SNX29: variants seen among roughly 807,000 people sequenced by gnomAD.
SNX29 encodes sorting nexin-29.
A neutral mutation model predicts 102.1 loss-of-function variants in SNX29; 78 were observed. The observed-to-expected ratio is 0.76, with a 90% CI of 0.64 to 0.92. SNX29 has a LOEUF of 0.92. Ranked by LOEUF, SNX29 falls within the 40% of genes least tolerant of loss-of-function variation. SNX29 has a pLI of 0.00. For synonymous variants in SNX29, 580 were observed against 414.5 expected (o/e 1.40, Z -4.85); for missense variants, 1,280 against 1,061.7 (o/e 1.21, Z -2.86).
chr16:12,571,551 A>G lies in SNX29; in HGVS notation c.*2922A>G, dbSNP rs555802505. On this transcript the variant is annotated 3_prime_UTR_variant, in exon 21 of 21. Transcript: ENST00000566228. ...GGACCACCCTTTGCTGGGAGGAAGA[A>G]TCCACACCGAATCCTTCTGTCTTCA... 36 of 980,420 alleles carry G rather than the reference A, an allele frequency of 3.7e-5. No individual in the cohort carries two copies. The South Asian group carries it at 1.5e-3, about 40-fold the overall frequency. 60.7% of individuals were successfully genotyped at this position (980,420 alleles called of 1,614,324 possible). A position where few individuals can be genotyped will look rare whatever the true frequency, so the allele number is the denominator to read the frequency against.
chr16:12,501,447 C>T (rs964325653), intron 19 of SNX29, among the ~76,000 whole-genome samples: 8 of 151,598 alleles, frequency 5.3e-5, no homozygotes, highest in Admixed American at 3.3e-4. Context: ...GTAGGCCAGA[C>T]GCGGTGGCTC....
At chr16:12,154,018 A>G (rs947698460) in intron 13 of SNX29, among the ~76,000 whole-genome samples, 2 of 152,192 alleles carry the variant, frequency 1.3e-5, no homozygotes, top group African/African-American at 4.8e-5. Context: ...GGAATGTTCT[A>G]TTAAAGCATT....
intron 13 of SNX29, among the ~76,000 whole-genome samples, chr16:12,163,642 T>C (rs768631607): frequency 5.9e-5 from 9 of 152,180 alleles, no homozygotes; most frequent in Non-Finnish European, 1.0e-4. Context: ...GAAGCTTCCC[T>C]CTATAGAAGC....
chr16:12,517,488 G>C (rs577219111), intron 19 of SNX29, among the ~76,000 whole-genome samples: 1 of 152,256 alleles, frequency 6.6e-6, no homozygotes, highest in African/African-American at 2.4e-5. Context: ...CCACCACCAG[G>C]GATCTTTGTT....
chr16:12,491,502 C>CTGT (rs1346554517), intron 19 of SNX29, among the ~76,000 whole-genome samples: 2 of 109,998 alleles, frequency 1.8e-5, no homozygotes, highest in Non-Finnish European at 3.7e-5. Context: ...CATTTTGTTG[C>CTGT]TGCTGTTGTT....
At chr16:12,094,098 G>C (rs1008846090) in intron 11 of SNX29, among the ~76,000 whole-genome samples, 4 of 152,172 alleles carry the variant, frequency 2.6e-5, no homozygotes, top group Admixed American at 1.3e-4. Context: ...AGTTATTTAA[G>C]CTAACTGTGC....
chr16:12,217,495 T>C, intron 14 of SNX29, among the ~76,000 whole-genome samples: 1 of 152,180 alleles, frequency 6.6e-6, no homozygotes, highest in East Asian at 1.9e-4. Context: ...GTAGTGTGTC[T>C]AACACCTGTA....
intron 19 of SNX29, among the ~76,000 whole-genome samples, chr16:12,514,962 CCT>C (rs2089800507): frequency 6.6e-6 from 1 of 151,726 alleles, no homozygotes. Flanking sequence ...GAAAAAAGCC[CCT>C]CTCTCGATGG....
chr16:12,227,129 G>A (rs534648808), intron 14 of SNX29, among the ~76,000 whole-genome samples: 53 of 106,652 alleles, frequency 5.0e-4, no homozygotes, highest in African/African-American at 1.8e-3. Context: ...GTCATGCAGT[G>A]CATCTGGGGG....
intron 11 of SNX29, among the ~76,000 whole-genome samples, chr16:12,091,092 T>G (rs953915034): frequency 2.6e-5 from 4 of 151,610 alleles, no homozygotes; most frequent in Non-Finnish European, 1.5e-5. Flanking sequence ...AAATACTTTC[T>G]TATTCATTTT....
intron 13 of SNX29, among the ~76,000 whole-genome samples, chr16:12,171,778 T>C (rs975350520): frequency 1.3e-5 from 2 of 152,212 alleles, no homozygotes; most frequent in Non-Finnish European, 2.9e-5. Context: ...CACTAATGAT[T>C]GTTATATGTA....
At chr16:12,050,714 C>T (rs1040479744) in intron 7 of SNX29, among the ~76,000 whole-genome samples, 1 of 151,972 alleles carries the variant, frequency 6.6e-6, no homozygotes, top group African/African-American at 2.4e-5. Flanking sequence ...GTTATTTCTG[C>T]CACTTTTTTT....
At chr16:12,493,476 T>C (rs564836211) in intron 19 of SNX29, among the ~76,000 whole-genome samples, 4,035 of 152,342 alleles carry the variant, frequency 0.026, 176 homozygotes, top group African/African-American at 0.091. Context: ...TCATGTCATC[T>C]GCAAACAGGG....
At chr16:12,226,345 C>T (rs1457200868) in intron 14 of SNX29, among the ~76,000 whole-genome samples, 2 of 151,988 alleles carry the variant, frequency 1.3e-5, no homozygotes, top group African/African-American at 4.8e-5. Context: ...TTTAATGACC[C>T]CCTGAAAATG....
At chr16:12,065,617 T>C (rs1172352830) in intron 9 of SNX29, among the ~76,000 whole-genome samples, 1 of 152,216 alleles carries the variant, frequency 6.6e-6, no homozygotes, top group Non-Finnish European at 1.5e-5. Flanking sequence ...TCTGCCATAA[T>C]CTGATGTGAT....
intron 20 of SNX29, among the ~76,000 whole-genome samples, chr16:12,558,665 G>T (rs1244732539): frequency 1.3e-5 from 2 of 152,192 alleles, no homozygotes; most frequent in Admixed American, 6.5e-5. Flanking sequence ...ACCCAATCCT[G>T]CTGGTCCTTG....
intron 4 of SNX29, among the ~76,000 whole-genome samples, chr16:12,029,369 G>A (rs1389649680): frequency 3.3e-5 from 5 of 152,054 alleles, no homozygotes; most frequent in Non-Finnish European, 7.3e-5. Context: ...GCTTGCTACA[G>A]GGAAAGTGAT....
At chr16:12,199,324 C>G (rs1015477719) in intron 13 of SNX29, among the ~76,000 whole-genome samples, 1 of 152,200 alleles carries the variant, frequency 6.6e-6, no homozygotes, top group Non-Finnish European at 1.5e-5. Flanking sequence ...ACAGCCTAAG[C>G]ACAGCCTGTG....
intron 18 of SNX29, among the ~76,000 whole-genome samples, chr16:12,460,643 C>G (rs958380242): frequency 1.5e-4 from 22 of 150,276 alleles, no homozygotes; most frequent in Non-Finnish European, 2.9e-4. Context: ...GGCTGCCTCA[C>G]AAATGTGTGA....
Sources: allele counts gnomAD v4.1 joint callset (sites outside exome capture counted in the v4.1 genomes callset), GRCh38; gene constraint gnomAD v4.1.1; transcripts MANE v1.5; gene names NCBI Gene and HGNC (gene_info 2026-07-23, HGNC 2026-07-21).